NAALADL2: variants seen among roughly 807,000 people sequenced by gnomAD.
The protein encoded by NAALADL2 is inactive N-acetylated-alpha-linked acidic dipeptidase-like protein 2.
A neutral mutation model predicts 87.2 loss-of-function variants in NAALADL2; 76 were observed. The ratio of observed to expected loss-of-function variants is 0.87; its 90% CI spans 0.72 to 1.05. The LOEUF is 1.05. Among genes scored for constraint, NAALADL2 ranks in the 50% least tolerant of loss-of-function variants. The pLI, the probability that NAALADL2 is intolerant of heterozygous loss-of-function variation, is 0.00. For missense variants in NAALADL2, 1,089 were observed against 945.8 expected (o/e 1.15, Z -1.99); for synonymous variants, 354 against 331.0 (o/e 1.07, Z -0.75).
intron 3 of NAALADL2, among the ~76,000 whole-genome samples, chr3:175,244,107 A>T (rs979661620): frequency 2.0e-5 from 3 of 152,056 alleles, no homozygotes; most frequent in African/African-American, 7.2e-5. Flanking sequence ...TCACAATTTC[A>T]TTCTAGGACC....
chr3:174,498,149 AC>A (rs1718659141), intron 1 of NAALADL2, among the ~76,000 whole-genome samples: 3 of 152,128 alleles, frequency 2.0e-5, no homozygotes, highest in Admixed American at 2.0e-4. Flanking sequence ...GTAAACATGT[AC>A]CTCATCCCCA....
At chr3:174,888,425 A>T (rs1027485311) in intron 1 of NAALADL2, among the ~76,000 whole-genome samples, 2 of 152,218 alleles carry the variant, frequency 1.3e-5, no homozygotes, top group Admixed American at 6.5e-5. Context: ...TTATTGGTGA[A>T]TGTAGTAGTC....
chr3:174,662,770 C>T lies in NAALADL2; in HGVS notation c.-114-74871C>T, dbSNP rs142878550. On this transcript the variant is annotated intron_variant, in intron 2 of 3. Coordinates refer to the NAALADL2 transcript ENST00000434257. ...AATTACTTGCTGTGGTGCTTATTTACGGCCAATGCATATGGCTATGTTGGG... is the reference window on the plus strand; with the variant it reads ...AATTACTTGCTGTGGTGCTTATTTATGGCCAATGCATATGGCTATGTTGGG... Among the ~76,000 whole-genome samples, 44 of 152,018 alleles carry T rather than the reference C, an allele frequency of 2.9e-4. No individual in the cohort carries two copies. In the East Asian group the frequency reaches 6.0e-3, roughly 21 times the overall value.
intron 2 of NAALADL2, among the ~76,000 whole-genome samples, chr3:174,607,504 AG>A (rs767375303): frequency 1.3e-5 from 2 of 150,086 alleles, no homozygotes. Context: ...AAAAAAAGGC[AG>A]GGGTTGCAAT....
chr3:174,916,717 A>G (rs967541530), intron 1 of NAALADL2, among the ~76,000 whole-genome samples: 1 of 151,972 alleles, frequency 6.6e-6, no homozygotes, highest in Non-Finnish European at 1.5e-5. Context: ...CTTGATGAGG[A>G]GACTGGGAAA....
intron 3 of NAALADL2, among the ~76,000 whole-genome samples, chr3:174,832,805 G>T (rs151063575): frequency 8.4e-4 from 128 of 152,274 alleles, no homozygotes; most frequent in Admixed American, 6.0e-3. Flanking sequence ...GAAGCTTAGA[G>T]AAATGAACTA....
At chr3:174,636,911 A>G (rs763120349) in intron 2 of NAALADL2, among the ~76,000 whole-genome samples, 1 of 152,180 alleles carries the variant, frequency 6.6e-6, no homozygotes, top group Non-Finnish European at 1.5e-5. Context: ...AAGGATATGA[A>G]CTCAACATAA....
chr3:175,534,037 TATAAATAAATTATTTATTTATA>T (rs1435262560), intron 9 of NAALADL2, among the ~76,000 whole-genome samples: 2 of 149,782 alleles, frequency 1.3e-5, no homozygotes, highest in East Asian at 2.0e-4. Flanking sequence ...ATTTATTTAT[TATAAATAAATTATTTATTTATA>T]ATAAATAAAT....
intron 2 of NAALADL2, among the ~76,000 whole-genome samples, chr3:174,587,148 A>G (rs1266941770): frequency 2.0e-5 from 3 of 152,032 alleles, no homozygotes; most frequent in Non-Finnish European, 4.4e-5. Context: ...CCATGTCCCT[A>G]CAAAGGACAT....
intron 5 of NAALADL2, among the ~76,000 whole-genome samples, chr3:175,425,153 G>A (rs955054255): frequency 3.9e-5 from 6 of 152,110 alleles, no homozygotes; most frequent in African/African-American, 1.4e-4. Flanking sequence ...AGAGCATTGT[G>A]GAACCATTCA....
At chr3:175,291,313 G>T (rs1336410098) in intron 4 of NAALADL2, among the ~76,000 whole-genome samples, 1 of 151,998 alleles carries the variant, frequency 6.6e-6, no homozygotes, top group Non-Finnish European at 1.5e-5. Context: ...CAGTTCTTTC[G>T]ATCTAAATTA....
chr3:175,335,350 T>G (rs1366547978), intron 5 of NAALADL2, among the ~76,000 whole-genome samples: 1 of 152,210 alleles, frequency 6.6e-6, no homozygotes, highest in Non-Finnish European at 1.5e-5. Context: ...AATAGATGTC[T>G]AAAACAGTGT....
chr3:175,387,178 T>C (rs1768493042), intron 5 of NAALADL2, among the ~76,000 whole-genome samples: 1 of 152,076 alleles, frequency 6.6e-6, no homozygotes, highest in South Asian at 2.1e-4. Flanking sequence ...TTGGAAGACA[T>C]GACAAGAAAT....
intron 11 of NAALADL2, among the ~76,000 whole-genome samples, chr3:175,727,880 T>A (rs1013255834): frequency 2.3e-4 from 35 of 152,154 alleles, no homozygotes; most frequent in African/African-American, 7.7e-4. Flanking sequence ...GGTGTTGGGA[T>A]GTTTCTGCTT....
intron 2 of NAALADL2, among the ~76,000 whole-genome samples, chr3:175,149,207 A>G (rs1327106628): frequency 1.3e-5 from 2 of 152,110 alleles, no homozygotes; most frequent in African/African-American, 4.8e-5. Context: ...TGTGCCTATT[A>G]TAAATTGGAT....
chr3:174,535,550 G>A (rs899700713), intron 1 of NAALADL2, among the ~76,000 whole-genome samples: 3 of 152,052 alleles, frequency 2.0e-5, no homozygotes, highest in Admixed American at 6.6e-5. Context: ...GCTATGAACC[G>A]GGAGCCGTAC....
chr3:175,369,877 C>CT (rs1766232762), intron 5 of NAALADL2, among the ~76,000 whole-genome samples: 1 of 152,130 alleles, frequency 6.6e-6, no homozygotes, highest in Non-Finnish European at 1.5e-5. Context: ...CCATAAAATT[C>CT]TTTGAGATAA....
intron 5 of NAALADL2, among the ~76,000 whole-genome samples, chr3:175,342,052 A>G (rs1313009608): frequency 6.6e-6 from 1 of 152,112 alleles, no homozygotes; most frequent in Non-Finnish European, 1.5e-5. Flanking sequence ...TACCAGTAAT[A>G]CACTGTCTAG....
chr3:175,798,994 C>A (rs1349027324), intron 13 of NAALADL2, among the ~76,000 whole-genome samples: 1 of 151,778 alleles, frequency 6.6e-6, no homozygotes, highest in Non-Finnish European at 1.5e-5. Flanking sequence ...TTAAACATGC[C>A]CCCCATAATA....
Sources: allele counts gnomAD v4.1 joint callset (sites outside exome capture counted in the v4.1 genomes callset), GRCh38; gene constraint gnomAD v4.1.1; transcripts MANE v1.5; gene names NCBI Gene and HGNC (gene_info 2026-07-23, HGNC 2026-07-21).